The following AHR variants were observed in gnomAD, a reference collection of about 807,000 sequenced individuals.
The protein encoded by AHR is aryl hydrocarbon receptor, also known as AH-receptor.
Under a neutral mutation model 86.8 loss-of-function variants are expected in AHR, and 40 were observed. The ratio of observed to expected loss-of-function variants is 0.46; its 90% CI spans 0.36 to 0.60. AHR has a LOEUF of 0.60. Among genes scored for constraint, AHR ranks in the 20% least tolerant of loss-of-function variants. AHR has a pLI of 0.00. For synonymous variants in AHR, 398 were observed against 354.9 expected, an observed-to-expected ratio of 1.12 and a Z score of -1.37; for missense variants, 1,001 against 1,011.6, an observed-to-expected ratio of 0.99 and a Z score of 0.14.
intron 1 of AHR, among the ~76,000 whole-genome samples, chr7:17,299,531 A>G (rs1017045430): frequency 8.5e-5 from 13 of 152,198 alleles, no homozygotes; most frequent in African/African-American, 3.1e-4. Flanking sequence ...CATTTTAAAA[A>G]TTGTCCTCCC....
At chr7:17,315,921 T>C (rs767148353) in intron 2 of AHR, among the ~76,000 whole-genome samples, 2 of 152,132 alleles carry the variant, frequency 1.3e-5, no homozygotes, top group Non-Finnish European at 2.9e-5. Context: ...TTTAGAGTCA[T>C]TTTATCGTCA....
At chr7:17,321,830 G>A (rs1370892873) in intron 2 of AHR, among the ~76,000 whole-genome samples, 1 of 151,796 alleles carries the variant, frequency 6.6e-6, no homozygotes, top group African/African-American at 2.4e-5. Flanking sequence ...CATTCTAGCA[G>A]GACAAAATAT....
chr7:17,307,975 G>A (rs916707814), intron 1 of AHR, among the ~76,000 whole-genome samples: 2 of 152,080 alleles, frequency 1.3e-5, no homozygotes, highest in African/African-American at 4.8e-5. Flanking sequence ...TTCCTAGGCT[G>A]TCCAAACCAG....
chr7:17,333,832 C>A, intron 6 of AHR, 80 bp from the exon 7 acceptor site: 1 of 1,109,960 alleles, frequency 9.0e-7, no homozygotes, highest in South Asian at 1.4e-5. Context: ...CTAGAGGCAG[C>A]CATAATGGAG....
chr7:17,303,984 G>GT (rs1204589871), intron 1 of AHR, among the ~76,000 whole-genome samples: 30 of 152,132 alleles, frequency 2.0e-4, no homozygotes, highest in Non-Finnish European at 7.4e-5. Flanking sequence ...TCATGGTTAT[G>GT]TATAGGAGAA....
chr7:17,320,644 T>C (rs775731939), intron 2 of AHR, among the ~76,000 whole-genome samples: 3 of 152,078 alleles, frequency 2.0e-5, no homozygotes, highest in Admixed American at 6.6e-5. Flanking sequence ...TGACGTTGTA[T>C]GGTTTTAGTG....
chr7:17,342,427 G>A (rs886778565), intron 10 of AHR, among the ~76,000 whole-genome samples: 1 of 152,018 alleles, frequency 6.6e-6, no homozygotes, highest in Non-Finnish European at 1.5e-5. Flanking sequence ...TCATACCTGT[G>A]GTGTAATATT....
intron 1 of AHR, among the ~76,000 whole-genome samples, chr7:17,302,945 ATG>A (rs1781969283): frequency 6.6e-6 from 1 of 152,044 alleles, no homozygotes; most frequent in Non-Finnish European, 1.5e-5. Context: ...GTATACGATT[ATG>A]TTCTCAATTA....
Position 17,339,981 on chromosome 7 carries a change from AC to A in AHR, c.2159del (p.Pro720LeufsTer16). 1 of 1,614,150 alleles carries A rather than the reference AC, an allele frequency of 6.2e-7. No individual in the cohort carries two copies. The highest frequency in any genetic ancestry group is 8.5e-7 in the Non-Finnish European group (1 of 1,180,004). Reference protein sequence around the residue: ...PQHSKCTELDYPMGSFEPSPY... With the variant: ...PQHSKCTELDXPMGSFEPSPY... ...CATTCCAAATGTACAGAGCTGGACT[AC>A]CCTATGGGGAGTTTTGAACCATCCC... On this transcript the variant is annotated frameshift_variant, in exon 10 of 11. Coordinates refer to ENST00000242057, the MANE Select transcript of AHR (RefSeq NM_001621.5).
At chr7:17,338,551 T>C (rs1782381060) in intron 9 of AHR, among the ~76,000 whole-genome samples, 1 of 152,038 alleles carries the variant, frequency 6.6e-6, no homozygotes, top group African/African-American at 2.4e-5. Context: ...GGTGAGGGTC[T>C]TGCCATGTTG....
At chr7:17,319,503 A>G (rs1782148552) in intron 2 of AHR, among the ~76,000 whole-genome samples, 2 of 152,230 alleles carry the variant, frequency 1.3e-5, no homozygotes, top group South Asian at 2.1e-4. Flanking sequence ...TTTCTAATAT[A>G]TTGAAATAAC....
intron 3 of AHR, among the ~76,000 whole-genome samples, chr7:17,325,773 A>G (rs914629720): frequency 2.8e-4 from 42 of 152,158 alleles, no homozygotes; most frequent in African/African-American, 9.2e-4. Flanking sequence ...GAGGGGAACA[A>G]CACACACTGG....
At chr7:17,327,934 A>G (rs2115362676) in intron 4 of AHR, 86 bp downstream of exon 4, 1 of 440,078 alleles carries the variant, frequency 2.3e-6, no homozygotes, top group Non-Finnish European at 3.5e-6. Flanking sequence ...ATTTGTATGT[A>G]TAAAGTATCA....
At chr7:17,337,698 A>G (rs541451099) in intron 9 of AHR, among the ~76,000 whole-genome samples, 2 of 149,446 alleles carry the variant, frequency 1.3e-5, no homozygotes, top group African/African-American at 4.9e-5. Flanking sequence ...GATGGTCTCA[A>G]TCTCCTGACC....
Position 17,345,558 on chromosome 7 carries a change from T to TTTA in AHR, c.*2499_*2501dup, listed in dbSNP as rs1782474482. 2.6e-5 allele frequency: 4 copies of TTTA among 152,664 alleles called. No homozygotes were observed. Among genetic ancestry groups the TTTA allele is most frequent in the Admixed American group, 2.6e-4 (4 of 15,280 alleles). 9.5% of individuals were successfully genotyped at this position (152,664 alleles called of 1,614,324 possible). On this transcript the variant is annotated 3_prime_UTR_variant, in exon 11 of 11. Transcript: ENST00000242057. ...ATACTCTATTTTTACATTTAAACCTTTTATTATAAGTCTTACATAAACCAT... is the reference window on the plus strand; with the variant it reads ...ATACTCTATTTTTACATTTAAACCTTTTATTATTATAAGTCTTACATAAACCAT...
At chr7:17,308,942 A>G (rs1320645157) in intron 1 of AHR, among the ~76,000 whole-genome samples, 1 of 152,218 alleles carries the variant, frequency 6.6e-6, no homozygotes, top group African/African-American at 2.4e-5. Flanking sequence ...TCTTTGTTGT[A>G]AGAAAACGCT....
intron 3 of AHR, among the ~76,000 whole-genome samples, chr7:17,325,495 A>C (rs1782218592): frequency 6.6e-6 from 1 of 152,218 alleles, no homozygotes; most frequent in African/African-American, 2.4e-5. Context: ...CTGCCAAGAG[A>C]ATTTAAGAAT....
At chr7:17,330,657 C>A in intron 5 of AHR, 99 bp from the exon 6 acceptor site, 1 of 1,103,990 alleles carries the variant, frequency 9.1e-7, no homozygotes, top group Non-Finnish European at 1.2e-6. Flanking sequence ...ATTCAGAACA[C>A]AGACTCCAGT....
chr7:17,323,580 A>T (rs557060411), intron 3 of AHR, among the ~76,000 whole-genome samples: 2 of 152,270 alleles, frequency 1.3e-5, no homozygotes, highest in African/African-American at 4.8e-5. Context: ...CCGCTATGTG[A>T]TCATTATCAG....
Sources: gnomAD v4.1 joint callset for allele counts (sites outside exome capture counted in the v4.1 genomes callset) on GRCh38, gnomAD v4.1.1 for gene constraint, MANE v1.5 for transcripts, NCBI Gene and HGNC (gene_info 2026-07-23, HGNC 2026-07-21) for gene names.